The following SUSD1 variants were observed in gnomAD, a reference collection of about 807,000 sequenced individuals.
The protein encoded by SUSD1 is sushi domain-containing protein 1.
SUSD1 carries 65 observed loss-of-function variants against 86.9 expected under a neutral mutation model. The observed-to-expected ratio is 0.75, with a 90% confidence interval of 0.61 to 0.92. The LOEUF is 0.92. Ranked by LOEUF, SUSD1 falls within the 40% of genes least tolerant of loss-of-function variation. The pLI is 0.00. For missense variants in SUSD1, 850 were observed against 929.7 expected (o/e 0.91, Z 1.11); for synonymous variants, 346 against 350.0 (o/e 0.99, Z 0.13).
At chr9:112,112,910 G>A in intron 6 of SUSD1, 42 bp from the exon 7 acceptor site, 1 of 1,255,972 alleles carries the variant, frequency 8.0e-7, no homozygotes, top group Non-Finnish European at 1.2e-6. Context: ...ATGCATCAAT[G>A]GGCTTTAGCA....
At chr9:112,167,795 C>A (rs1042060914) in intron 1 of SUSD1, among the ~76,000 whole-genome samples, 1 of 152,038 alleles carries the variant, frequency 6.6e-6, no homozygotes, top group Non-Finnish European at 1.5e-5. Flanking sequence ...AAAGACATAC[C>A]CGAGACTGGG....
chr9:112,169,512 AG>A (rs1833951797), intron 1 of SUSD1: 1 of 152,204 alleles, frequency 6.6e-6, no homozygotes, highest in Admixed American at 6.5e-5. Flanking sequence ...ATCAACCAGC[AG>A]TGGGGCCCCC....
At chr9:112,120,000 G>A (rs1460161974) in intron 6 of SUSD1, among the ~76,000 whole-genome samples, 3 of 152,170 alleles carry the variant, frequency 2.0e-5, no homozygotes, top group Non-Finnish European at 4.4e-5. Flanking sequence ...GAGAGAAGCA[G>A]AAAAGTAGAA....
chr9:112,121,041 G>A (rs931475259), intron 6 of SUSD1, among the ~76,000 whole-genome samples: 4 of 152,212 alleles, frequency 2.6e-5, no homozygotes, highest in African/African-American at 9.6e-5. Flanking sequence ...GCCATGATAG[G>A]TTGGAGTGAC....
chr9:112,175,064 C>G lies in SUSD1; in HGVS notation c.103+69G>C, dbSNP rs945765114. The G allele has an allele frequency of 1.5e-4, 151 of 988,410 alleles. No individual in the cohort carries two copies. The Middle Eastern group carries it at 4.1e-3, about 27-fold the overall frequency. The allele number at this position is 988,410 out of a possible 1,614,324, so 61.2% of individuals were successfully genotyped here. ...GCCCAGGGGCGGGGAAGCGTCCGTG[C>G]GCCCAGAGTCCTCGAGGCCCAGCCG... On this transcript the variant is annotated intron_variant, in intron 1 of 16. Transcript: ENST00000374270. The surrounding 1 kb of genome is among the most constrained non-coding windows in gnomAD (Gnocchi z 4.7).
At chr9:112,052,591 G>A (rs781297684) in intron 14 of SUSD1, among the ~76,000 whole-genome samples, 153 bp from the exon 15 acceptor site, 2 of 152,122 alleles carry the variant, frequency 1.3e-5, no homozygotes, top group Non-Finnish European at 2.9e-5. Context: ...AATATCTTGT[G>A]ATATCACTAA....
At chr9:112,043,465 C>T (rs1002380256) in intron 15 of SUSD1, among the ~76,000 whole-genome samples, 1 of 152,140 alleles carries the variant, frequency 6.6e-6, no homozygotes, top group Non-Finnish European at 1.5e-5. Context: ...ACTGACCCCC[C>T]CATCCCCTAC....
At chr9:112,106,109 A>G (rs1830828921) in intron 8 of SUSD1, among the ~76,000 whole-genome samples, 1 of 151,732 alleles carries the variant, frequency 6.6e-6, no homozygotes, top group Non-Finnish European at 1.5e-5. Context: ...CGTGCCTAAG[A>G]CTCTCAAGTA....
intron 14 of SUSD1, among the ~76,000 whole-genome samples, chr9:112,053,494 A>G (rs912147748): frequency 2.8e-5 from 4 of 143,870 alleles, no homozygotes; most frequent in African/African-American, 1.0e-4. Context: ...AGCCTGGGCA[A>G]CAGAATGAGA....
At chr9:112,110,086 C>G (rs947307626) in intron 8 of SUSD1, among the ~76,000 whole-genome samples, 1 of 152,108 alleles carries the variant, frequency 6.6e-6, no homozygotes, top group African/African-American at 2.4e-5. Flanking sequence ...TGGTGGTTCA[C>G]GCCTATAATC....
intron 1 of SUSD1, among the ~76,000 whole-genome samples, chr9:112,168,242 T>A (rs1833904375): frequency 6.6e-6 from 1 of 152,236 alleles, no homozygotes. Flanking sequence ...AACTCCCAAT[T>A]ACTCCAATGG....
intron 1 of SUSD1, among the ~76,000 whole-genome samples, chr9:112,172,700 A>G (rs1420580996): frequency 6.6e-6 from 1 of 152,076 alleles, no homozygotes; most frequent in Non-Finnish European, 1.5e-5. Flanking sequence ...TTGCACCTTC[A>G]TATCTGTTAT....
At chr9:112,074,912 T>A (rs942291026) in intron 12 of SUSD1, among the ~76,000 whole-genome samples, 1 of 151,862 alleles carries the variant, frequency 6.6e-6, no homozygotes, top group African/African-American at 2.4e-5. Flanking sequence ...TCAATGAACA[T>A]TAAACAGCTC....
At chr9:112,167,044 A>G (rs1246995652) in intron 1 of SUSD1, among the ~76,000 whole-genome samples, 1 of 152,168 alleles carries the variant, frequency 6.6e-6, no homozygotes, top group Non-Finnish European at 1.5e-5. Flanking sequence ...TGGTGTCTCA[A>G]CCAGAGTCAG....
chr9:112,060,614 TAA>T (rs1440486153), intron 13 of SUSD1, among the ~76,000 whole-genome samples: 13 of 152,200 alleles, frequency 8.5e-5, no homozygotes, highest in South Asian at 2.1e-4. Context: ...CTGATTTTCA[TAA>T]AGTCTTGGCT....
intron 12 of SUSD1, among the ~76,000 whole-genome samples, chr9:112,075,803 G>T (rs1178463832): frequency 1.3e-5 from 2 of 152,196 alleles, no homozygotes; most frequent in African/African-American, 4.8e-5. Flanking sequence ...AATTGAAGCA[G>T]GGTAAGTAGA....
chr9:112,051,408 C>CTT (rs746946192), intron 15 of SUSD1, among the ~76,000 whole-genome samples: 312 of 76,978 alleles, frequency 4.1e-3, no homozygotes, highest in Admixed American at 5.0e-3. Context: ...TTTTTCTTTT[C>CTT]TTTTTTTTTT....
intron 13 of SUSD1, among the ~76,000 whole-genome samples, chr9:112,060,842 A>G (rs1168686880): frequency 6.6e-6 from 1 of 152,194 alleles, no homozygotes; most frequent in African/African-American, 2.4e-5. Flanking sequence ...GTACATCTTT[A>G]AATCCCTCTC....
At chr9:112,143,862 T>C (rs1051225681) in intron 3 of SUSD1, among the ~76,000 whole-genome samples, 2 of 152,196 alleles carry the variant, frequency 1.3e-5, no homozygotes, top group African/African-American at 4.8e-5. Context: ...CAGTGTGTTC[T>C]GGGATTTTAC....
Sources: gnomAD v4.1 joint callset for allele counts (sites outside exome capture counted in the v4.1 genomes callset) on GRCh38, gnomAD v4.1.1 for gene constraint, Gnocchi (gnomAD v3.1) non-coding constraint, MANE v1.5 for transcripts, NCBI Gene and HGNC (gene_info 2026-07-23, HGNC 2026-07-21) for gene names.